ARMH4: variants seen among roughly 807,000 people sequenced by gnomAD.
ARMH4 encodes the protein armadillo like helical domain containing 4.
In ARMH4, 49 loss-of-function variants were observed where a neutral mutation model predicts 61.9. The observed-to-expected ratio is 0.79, with a 90% CI of 0.63 to 1.00. The LOEUF is 1.00. Ranked by LOEUF, ARMH4 falls within the 50% of genes least tolerant of loss-of-function variation. The pLI is 0.00. For synonymous variants in ARMH4, 368 were observed against 341.5 expected (o/e 1.08, Z -0.85); for missense variants, 934 against 930.0 (o/e 1.00, Z -0.06).
chr14:58,024,433 T>A (rs1485854732), intron 5 of ARMH4, among the ~76,000 whole-genome samples: 1 of 152,182 alleles, frequency 6.6e-6, no homozygotes, highest in Admixed American at 6.5e-5. Flanking sequence ...AGAGTTAGGG[T>A]CTTCCTCTAG....
intron 4 of ARMH4, among the ~76,000 whole-genome samples, chr14:58,124,005 G>A (rs974351700): frequency 1.3e-5 from 2 of 150,074 alleles, no homozygotes; most frequent in Admixed American, 1.3e-4. Context: ...AGGTACCAAG[G>A]CCCTTGGTGA....
intron 5 of ARMH4, among the ~76,000 whole-genome samples, chr14:58,045,468 G>T (rs550825172): frequency 1.3e-5 from 2 of 152,282 alleles, no homozygotes; most frequent in Admixed American, 1.3e-4. Flanking sequence ...GTTGTGGGGT[G>T]AGGGGAGTGG....
At position 58,115,882 on chromosome 14, in the gene ARMH4, GAAC is replaced by G. The variant is rs569218837; in HGVS notation, c.1831+15627_1831+15629del. On this transcript the variant is annotated intron_variant, in intron 4 of 7. Coordinates refer to ENST00000267485, the MANE Select transcript of ARMH4 (RefSeq NM_001001872.4). ...TGAGTAAATATGAACTCAAAGAATG[GAAC>G]AACAGACACTGGGGCCTACTTGAGG... 2.9e-4 allele frequency among the ~76,000 whole-genome samples: 44 copies of G among 152,218 alleles called. No homozygotes were observed. In the East Asian group the frequency reaches 7.5e-3, roughly 26 times the overall value.
chr14:58,125,682 T>G (rs1886874091), intron 4 of ARMH4, among the ~76,000 whole-genome samples: 1 of 152,180 alleles, frequency 6.6e-6, no homozygotes, highest in African/African-American at 2.4e-5. Flanking sequence ...CTGATGTTAA[T>G]GACATCAAAG....
chr14:58,149,377 C>A (rs921864516), intron 1 of ARMH4, among the ~76,000 whole-genome samples: 2 of 152,168 alleles, frequency 1.3e-5, no homozygotes, highest in Admixed American at 6.5e-5. Context: ...TGTTCCATCA[C>A]AATGGAAGGA....
At chr14:58,121,988 T>A (rs1326197802) in intron 4 of ARMH4, among the ~76,000 whole-genome samples, 1 of 152,198 alleles carries the variant, frequency 6.6e-6, no homozygotes, top group South Asian at 2.1e-4. Flanking sequence ...AAGGGCATAT[T>A]CCATGGAATA....
chr14:58,139,069 T>C lies in ARMH4; in HGVS notation c.290A>G (p.Gln97Arg), dbSNP rs1488076607. The stretch of plus-strand genomic sequence containing the variant: ...TTGCATGAGCCCAGCTTGTCCAGGC[T>C]GGGTTTCTTTGTTAATCGAGAATGC... ...NKAFSINKET[Q>R]PGQAGLMQTE... Residue 97 changes from glutamine to arginine, a missense_variant, in exon 2 of 8, where the codon CAG (glutamine) becomes CGG (arginine). Physicochemically the swap from Gln to Arg is conservative, Grantham distance 43. Transcript: ENST00000267485. The C allele has an allele frequency of 6.2e-7, 1 of 1,614,234 alleles. No individual in the cohort carries two copies.
intron 1 of ARMH4, among the ~76,000 whole-genome samples, chr14:58,143,922 C>T (rs1351635336): frequency 7.9e-5 from 12 of 151,658 alleles, no homozygotes; most frequent in Admixed American, 3.9e-4. Flanking sequence ...TACAGGTGCC[C>T]ACCATCACAC....
chr14:58,013,595 C>G (rs527364200), intron 5 of ARMH4, among the ~76,000 whole-genome samples: 2 of 152,186 alleles, frequency 1.3e-5, no homozygotes, highest in East Asian at 3.9e-4. Flanking sequence ...CACAGCTCCA[C>G]CCTTTACAAA....
At chr14:58,044,440 C>T (rs1883853266) in intron 5 of ARMH4, among the ~76,000 whole-genome samples, 1 of 152,160 alleles carries the variant, frequency 6.6e-6, no homozygotes, top group African/African-American at 2.4e-5. Context: ...GGATCCATTC[C>T]TTACACCTTA....
rs1881980247 is a variant in ARMH4, at chr14:58,001,420, C to T, written c.*3316G>A. On this transcript the variant is annotated 3_prime_UTR_variant, in exon 8 of 8. Transcript: ENST00000267485. Reference sequence around the variant, plus strand: ...GATTTCTATTCTTTTGGATATATGCCCAGAAGTGGGATAGTTGGATTATAT... The same window carrying T: ...GATTTCTATTCTTTTGGATATATGCTCAGAAGTGGGATAGTTGGATTATAT... The T allele has an allele frequency of 6.6e-6, 1 of 152,108 alleles. No homozygotes were observed. The highest frequency in any genetic ancestry group is 1.9e-4 in the East Asian group (1 of 5,168). 9.4% of individuals were successfully genotyped at this position (152,108 alleles called of 1,614,324 possible). A position where few individuals can be genotyped will look rare whatever the true frequency, so the allele number is the denominator to read the frequency against.
At chr14:58,034,495 C>T (rs1214712526) in intron 5 of ARMH4, among the ~76,000 whole-genome samples, 4 of 127,408 alleles carry the variant, frequency 3.1e-5, no homozygotes, top group African/African-American at 1.2e-4. Context: ...ACTGCATCAA[C>T]TAACAAGCAA....
intron 5 of ARMH4, among the ~76,000 whole-genome samples, chr14:58,095,022 A>G (rs565054324): frequency 1.3e-5 from 2 of 152,218 alleles, no homozygotes; most frequent in African/African-American, 2.4e-5. Context: ...ATAATACCAC[A>G]GCCCAAATGA....
At chr14:58,039,950 C>T (rs1193572758) in intron 5 of ARMH4, among the ~76,000 whole-genome samples, 6 of 152,186 alleles carry the variant, frequency 3.9e-5, no homozygotes, top group Non-Finnish European at 8.8e-5. Flanking sequence ...CTTCCCTACT[C>T]TCCACTCCTT....
intron 5 of ARMH4, among the ~76,000 whole-genome samples, chr14:58,087,396 G>C (rs774622119): frequency 6.6e-6 from 1 of 152,252 alleles, no homozygotes; most frequent in African/African-American, 2.4e-5. Context: ...TTTCACCTGA[G>C]GGGTTAGCTG....
chr14:58,086,584 C>T (rs994781785), intron 5 of ARMH4, among the ~76,000 whole-genome samples: 2 of 152,072 alleles, frequency 1.3e-5, no homozygotes, highest in East Asian at 1.9e-4. Flanking sequence ...CATTACTATC[C>T]AGGAGAGATG....
intron 2 of ARMH4, 73 bp downstream of exon 2, chr14:58,137,917 A>AAAT: frequency 7.0e-7 from 1 of 1,419,612 alleles, no homozygotes; most frequent in Non-Finnish European, 9.5e-7. Context: ...ACCTATTTCT[A>AAAT]AATTGCCATT....
At chr14:58,121,746 C>A (rs1475856417) in intron 4 of ARMH4, among the ~76,000 whole-genome samples, 1 of 152,100 alleles carries the variant, frequency 6.6e-6, no homozygotes, top group Non-Finnish European at 1.5e-5. Context: ...CAACTGATAA[C>A]TGAAATCACC....
chr14:58,097,481 C>T (rs1198775325), intron 4 of ARMH4, among the ~76,000 whole-genome samples: 1 of 152,098 alleles, frequency 6.6e-6, no homozygotes, highest in African/African-American at 2.4e-5. Context: ...GTGAGGAGCA[C>T]ATAAATTCAC....
Sources: gnomAD v4.1 joint callset for allele counts (sites outside exome capture counted in the v4.1 genomes callset) on GRCh38, gnomAD v4.1.1 for gene constraint, MANE v1.5 for transcripts, NCBI Gene and HGNC (gene_info 2026-07-23, HGNC 2026-07-21) for gene names.